Variants in GDPD1 observed in about 807,000 individuals in gnomAD.
GDPD1 encodes lysophospholipase D GDPD1.
Under a neutral mutation model 45.1 loss-of-function variants are expected in GDPD1, and 28 were observed. The observed-to-expected ratio is 0.62, with a 90% CI of 0.46 to 0.85. The LOEUF is 0.85. Among genes scored for constraint, GDPD1 ranks in the 40% least tolerant of loss-of-function variants. The pLI is 0.00. For missense variants in GDPD1, 256 were observed against 364.8 expected (o/e 0.70, Z 2.43); for synonymous variants, 139 against 131.4 (o/e 1.06, Z -0.40).
chr17:59,274,553 G>A lies in GDPD1; in HGVS notation c.*780G>A, dbSNP rs1163488446. On this transcript the variant is annotated 3_prime_UTR_variant, in exon 10 of 10. Transcript: ENST00000284116. ...AAAAAAAAATGGGAGGCCGAGGCGG[G>A]CGGATCACGAGGTCAGGAGATCGAG... 2 of 145,410 alleles carry A rather than the reference G, an allele frequency of 1.4e-5. No individual in the cohort carries two copies. Among genetic ancestry groups the A allele is most frequent in the Non-Finnish European group, 3.0e-5 (2 of 67,074 alleles). The allele number at this position is 145,410 out of a possible 1,614,324, so 9.0% of individuals were successfully genotyped here.
intron 1 of GDPD1, among the ~76,000 whole-genome samples, chr17:59,228,040 C>T (rs926460559): frequency 3.3e-5 from 5 of 151,690 alleles, no homozygotes; most frequent in East Asian, 1.9e-4. Flanking sequence ...GGTGTGGTGG[C>T]GCACGCCTGT....
At chr17:59,235,947 G>C (rs1555721934) in intron 2 of GDPD1, among the ~76,000 whole-genome samples, 1 of 151,338 alleles carries the variant, frequency 6.6e-6, no homozygotes. Flanking sequence ...ACTAAATATA[G>C]ATGTATAATT....
At chr17:59,261,112 C>T (rs982275670) in intron 6 of GDPD1, among the ~76,000 whole-genome samples, 4 of 152,144 alleles carry the variant, frequency 2.6e-5, no homozygotes, top group African/African-American at 7.2e-5. Context: ...ATTGCAGGTG[C>T]GTGCTGCCAT....
At chr17:59,229,547 G>T (rs2147875212) in intron 1 of GDPD1, among the ~76,000 whole-genome samples, 1 of 151,436 alleles carries the variant, frequency 6.6e-6, no homozygotes, top group Middle Eastern at 3.4e-3. Flanking sequence ...TTTTAGTAGA[G>T]ATGGGGGTTT....
At chr17:59,224,345 G>A (rs949800632) in intron 1 of GDPD1, among the ~76,000 whole-genome samples, 2 of 152,082 alleles carry the variant, frequency 1.3e-5, no homozygotes, top group African/African-American at 4.8e-5. Flanking sequence ...CTTGTGGGCC[G>A]AGCAAGGTGG....
intron 6 of GDPD1, among the ~76,000 whole-genome samples, chr17:59,266,160 G>A (rs544975373): frequency 1.3e-5 from 2 of 151,954 alleles, no homozygotes; most frequent in Non-Finnish European, 2.9e-5. Context: ...GCCAAGGTGG[G>A]CAGATCATCT....
intron 4 of GDPD1, among the ~76,000 whole-genome samples, chr17:59,256,585 TTAAAA>T (rs2047310870): frequency 6.6e-6 from 1 of 152,178 alleles, no homozygotes; most frequent in Non-Finnish European, 1.5e-5. Flanking sequence ...AATGGTTAAA[TTAAAA>T]TAAATTATTG....
chr17:59,221,438 A>T lies in GDPD1; in HGVS notation c.142+687A>T, dbSNP rs1349755948. Among the ~76,000 whole-genome samples the T allele has an allele frequency of 4.6e-4, 49 of 105,428 alleles. 1 individual carries two copies. The highest frequency in any genetic ancestry group is 1.6e-3 in the African/African-American group (40 of 25,800). 69.2% of individuals were successfully genotyped at this position (105,428 alleles called of 152,430 possible). A position where few individuals can be genotyped will look rare whatever the true frequency, so the allele number is the denominator to read the frequency against. ...TTGCATCTTTTTTTTTTTTTTTTTG[A>T]ACACTGCAATAAATAAATAAATAAA... On this transcript the variant is annotated intron_variant, in intron 1 of 9. Coordinates refer to ENST00000284116, the MANE Select transcript of GDPD1 (RefSeq NM_182569.4).
At chr17:59,234,371 T>C in intron 1 of GDPD1, 121 bp from the exon 2 acceptor site, 1 of 656,250 alleles carries the variant, frequency 1.5e-6, no homozygotes, top group Non-Finnish European at 2.7e-6. Context: ...AAAAAAACAC[T>C]TGTAATGTCT....
At chr17:59,228,864 A>G (rs1260919662) in intron 1 of GDPD1, among the ~76,000 whole-genome samples, 1 of 151,214 alleles carries the variant, frequency 6.6e-6, no homozygotes. Context: ...TGGGCAACAG[A>G]GTGAGACCCT....
intron 1 of GDPD1, among the ~76,000 whole-genome samples, chr17:59,230,874 A>G (rs752221833): frequency 2.6e-5 from 4 of 152,252 alleles, no homozygotes; most frequent in Non-Finnish European, 2.9e-5. Context: ...TGCCCCAGAA[A>G]GACACTGACT....
chr17:59,245,516 G>A lies in GDPD1; in HGVS notation c.288G>A (p.Gly96=). 3 of 1,610,236 alleles carry A rather than the reference G, an allele frequency of 1.9e-6. No individual in the cohort carries two copies. The highest frequency in any genetic ancestry group is 1.7e-5 in the Admixed American group (1 of 59,866). Residue 96 remains glycine (G), a synonymous_variant, in exon 3 of 10, where the codon GGG becomes GGA. Transcript: ENST00000284116. ...ATGAGAATCTAAAGAGAGCAACTGG[G>A]GTCAATGTAAACATCTCTGATCTCA... The part of the protein sequence containing the change: ...SHDENLKRAT[G]VNVNISDLKY...
intron 4 of GDPD1, chr17:59,249,180 T>C: frequency 1.3e-5 from 2 of 153,598 alleles, no homozygotes; most frequent in South Asian, 2.0e-4. Context: ...TCACTTTAGG[T>C]CAGGAGTTCG....
chr17:59,261,122 T>C (rs961889345), intron 6 of GDPD1, among the ~76,000 whole-genome samples: 13 of 152,200 alleles, frequency 8.5e-5, no homozygotes, highest in Non-Finnish European at 5.9e-5. Flanking sequence ...CGTGCTGCCA[T>C]GCCCAGCTAA....
intron 6 of GDPD1, among the ~76,000 whole-genome samples, chr17:59,258,839 T>G (rs1485647857): frequency 6.6e-6 from 1 of 152,028 alleles, no homozygotes; most frequent in African/African-American, 2.4e-5. Flanking sequence ...TTAAATTATT[T>G]AGCTGGGCAT....
intron 4 of GDPD1, among the ~76,000 whole-genome samples, chr17:59,254,376 A>G (rs796685832): frequency 3.7e-5 from 3 of 80,358 alleles, no homozygotes; most frequent in South Asian, 3.3e-4. Context: ...AAAAAAAAAA[A>G]AAAGAAAAGC....
chr17:59,262,629 G>GTTTTT (rs144444466), intron 6 of GDPD1, among the ~76,000 whole-genome samples: 24 of 131,184 alleles, frequency 1.8e-4, no homozygotes, highest in East Asian at 4.9e-4. Context: ...TCTTGGTTTT[G>GTTTTT]TTTTTTTTTG....
chr17:59,270,384 G>GA (rs1029792578), intron 7 of GDPD1, among the ~76,000 whole-genome samples: 1 of 151,168 alleles, frequency 6.6e-6, no homozygotes, highest in African/African-American at 2.4e-5. Context: ...AGTAGAGACG[G>GA]GGGGGGGTTT....
At chr17:59,245,671 A>G in intron 3 of GDPD1, 122 bp downstream of exon 3, 1 of 714,998 alleles carries the variant, frequency 1.4e-6, no homozygotes, top group Non-Finnish European at 2.2e-6. Context: ...TAAATACTAA[A>G]CATCAAAGGA....
Sources: gnomAD v4.1 joint callset for allele counts (sites outside exome capture counted in the v4.1 genomes callset) on GRCh38, gnomAD v4.1.1 for gene constraint, MANE v1.5 for transcripts, NCBI Gene and HGNC (gene_info 2026-07-23, HGNC 2026-07-21) for gene names.